Variants in IKBKB-DT observed in about 807,000 individuals in gnomAD.
The protein encoded by IKBKB-DT is IKBKB antisense RNA.
At chr8:42,243,794 C>G (rs565089208) in intron 3 of IKBKB-DT, among the ~76,000 whole-genome samples, 1 of 152,174 alleles carries the variant, frequency 6.6e-6, no homozygotes, top group Non-Finnish European at 1.5e-5. Context: ...CTGGGTTAAT[C>G]ATTTTAAGAG....
At chr8:42,241,662 A>G (rs1447858371) in intron 3 of IKBKB-DT, among the ~76,000 whole-genome samples, 2 of 152,210 alleles carry the variant, frequency 1.3e-5, no homozygotes, top group East Asian at 1.9e-4. Flanking sequence ...AAATGCTTCA[A>G]TGAGCAACTA....
At chr8:42,238,402 G>A (rs1323590197) in intron 3 of IKBKB-DT, among the ~76,000 whole-genome samples, 1 of 152,166 alleles carries the variant, frequency 6.6e-6, no homozygotes, top group East Asian at 1.9e-4. Context: ...TTTGAAGCAA[G>A]GATGATAATA....
intron 1 of IKBKB-DT, among the ~76,000 whole-genome samples, chr8:42,269,598 G>A (rs998712125): frequency 7.1e-6 from 1 of 140,520 alleles, no homozygotes; most frequent in African/African-American, 2.6e-5. Flanking sequence ...GGAGGGGAGG[G>A]GAGGAGAGGG....
At chr8:42,235,599 G>A (rs1476819388) in intron 3 of IKBKB-DT, among the ~76,000 whole-genome samples, 1 of 152,126 alleles carries the variant, frequency 6.6e-6, no homozygotes, top group Admixed American at 6.5e-5. Flanking sequence ...GGACAGCTTC[G>A]ATTTCCCGTG....
chr8:42,270,229 ACAG>A (rs1807541324), intron 1 of IKBKB-DT: 1 of 152,286 alleles, frequency 6.6e-6, no homozygotes, highest in South Asian at 2.1e-4. Flanking sequence ...GCAGTGGCTC[ACAG>A]CCTGTAATCT....
chr8:42,261,232 T>C (rs990427301), intron 3 of IKBKB-DT, among the ~76,000 whole-genome samples: 4 of 152,002 alleles, frequency 2.6e-5, no homozygotes, highest in South Asian at 2.1e-4. Flanking sequence ...GAGGCTGAGA[T>C]GGGAGGATTG....
intron 3 of IKBKB-DT, among the ~76,000 whole-genome samples, chr8:42,253,106 T>G (rs2129919405): frequency 6.6e-6 from 1 of 152,252 alleles, no homozygotes; most frequent in South Asian, 2.1e-4. Flanking sequence ...ATAGGAAAAT[T>G]TATCATCTAT....
intron 3 of IKBKB-DT, among the ~76,000 whole-genome samples, chr8:42,236,317 T>C (rs1287899338): frequency 6.6e-6 from 1 of 150,782 alleles, no homozygotes; most frequent in Non-Finnish European, 1.5e-5. Flanking sequence ...TTTTCAGCCA[T>C]GCTTCCTATG....
At chr8:42,270,231 A>T (rs1807541552) in intron 1 of IKBKB-DT, 1 of 152,256 alleles carries the variant, frequency 6.6e-6, no homozygotes. Flanking sequence ...AGTGGCTCAC[A>T]GCCTGTAATC....
exon 1 of IKBKB-DT, chr8:42,271,216 A>G (rs538509222): frequency 1.6e-6 from 1 of 624,056 alleles, no homozygotes; most frequent in East Asian, 3.0e-5. Context: ...GGGTCCCGGG[A>G]CAGGCGCAGC....
rs139399295 is a variant in IKBKB-DT at position 42,257,452 on chromosome 8, G to C, written n.1529+5877C>G. Among the ~76,000 whole-genome samples the C allele has an allele frequency of 5.7e-3, 856 of 151,410 alleles. 4 individuals carry two copies. Among genetic ancestry groups the C allele is most frequent in the African/African-American group, 0.019 (782 of 41,308 alleles). On this transcript the variant is annotated intron_variant and non_coding_transcript_variant, in intron 3 of 3. Transcript: ENST00000518213. ...GGAGGTGGAGGTTACAGTGAGCCAA[G>C]ATCGCGCCACTGCACTCCAGCCTGG...
chr8:42,255,342 A>C (rs1807185062), intron 3 of IKBKB-DT: 1 of 152,220 alleles, frequency 6.6e-6, no homozygotes, highest in Admixed American at 6.5e-5. Flanking sequence ...TTTTGCTGGA[A>C]CTTTTAATAA....
At chr8:42,264,077 G>A (rs1807334190) in intron 2 of IKBKB-DT, among the ~76,000 whole-genome samples, 1 of 151,184 alleles carries the variant, frequency 6.6e-6, no homozygotes, top group African/African-American at 2.4e-5. Flanking sequence ...CTCCCAAAGC[G>A]CTGGGATTAC....
chr8:42,236,581 A>G (rs1207489966), intron 3 of IKBKB-DT, among the ~76,000 whole-genome samples: 2 of 152,220 alleles, frequency 1.3e-5, no homozygotes, highest in East Asian at 1.9e-4. Flanking sequence ...CCTGACCAAC[A>G]TGGAGAAACC....
chr8:42,245,646 T>A (rs1807053656), intron 3 of IKBKB-DT, among the ~76,000 whole-genome samples: 1 of 152,186 alleles, frequency 6.6e-6, no homozygotes, highest in African/African-American at 2.4e-5. Flanking sequence ...CATCGTTCTG[T>A]AATCATTATA....
chr8:42,235,139 T>C (rs898162317), intron 3 of IKBKB-DT, among the ~76,000 whole-genome samples: 22 of 130,336 alleles, frequency 1.7e-4, no homozygotes, highest in Middle Eastern at 3.6e-3. Flanking sequence ...TTGATGTCAA[T>C]TTTTTTTCTT....
chr8:42,239,406 A>T (rs1806969242), intron 3 of IKBKB-DT, among the ~76,000 whole-genome samples: 1 of 150,940 alleles, frequency 6.6e-6, no homozygotes, highest in East Asian at 2.0e-4. Context: ...CTTGGCCCCC[A>T]TCCCCTCCGG....
rs145860710 is a variant in IKBKB-DT, at chr8:42,237,080, G to A, written n.1530-3221C>T. Among the ~76,000 whole-genome samples the A allele has an allele frequency of 1.6e-4, 22 of 140,710 alleles. No individual in the cohort carries two copies. In the East Asian group the frequency reaches 4.5e-3, roughly 29 times the overall value. The allele number at this position is 140,710 out of a possible 152,430, so 92.3% of individuals were successfully genotyped here. On this transcript the variant is annotated intron_variant and non_coding_transcript_variant, in intron 3 of 3. Transcript: ENST00000518213. ...TATCTCTTTTACGAGAGAAGGCTCA[G>A]TTTTTTTTTTTTGTTTGTTTGTTTT...
At chr8:42,241,524 T>C (rs968102006) in intron 3 of IKBKB-DT, among the ~76,000 whole-genome samples, 7 of 152,092 alleles carry the variant, frequency 4.6e-5, no homozygotes, top group Non-Finnish European at 1.0e-4. Context: ...CAAGGAATTT[T>C]CCACTAAAAA....
Sources: allele counts gnomAD v4.1 joint callset (sites outside exome capture counted in the v4.1 genomes callset), GRCh38; gene constraint gnomAD v4.1.1; transcripts MANE v1.5; gene names NCBI Gene and HGNC (gene_info 2026-07-23, HGNC 2026-07-21).